The following LIMS1 variants were observed in gnomAD, a reference collection of about 807,000 sequenced individuals.
LIMS1 encodes LIM zinc finger domain containing 1.
A neutral mutation model predicts 44.1 loss-of-function variants in LIMS1; 18 were observed. The observed-to-expected ratio is 0.41, with a 90% CI of 0.28 to 0.61. The LOEUF is 0.61. Ranked by LOEUF, LIMS1 falls within the 20% of genes least tolerant of loss-of-function variation. LIMS1 has a pLI of 0.32. For synonymous variants in LIMS1, 93 were observed against 149.1 expected (o/e 0.62, Z 2.74); for missense variants, 201 against 422.0 (o/e 0.48, Z 4.59).
intron 1 of LIMS1, among the ~76,000 whole-genome samples, chr2:108,631,972 G>GTGTT (rs537157575): frequency 3.2e-4 from 49 of 152,144 alleles, no homozygotes; most frequent in Non-Finnish European, 5.7e-4. Flanking sequence ...AGGTACTTTC[G>GTGTT]TGTTTGTTTG....
chr2:108,603,778 A>G (rs1687135637), intron 1 of LIMS1, among the ~76,000 whole-genome samples: 1 of 151,606 alleles, frequency 6.6e-6, no homozygotes, highest in East Asian at 1.9e-4. Flanking sequence ...TAGGTCCTCT[A>G]TTTTTCTCAG....
intron 1 of LIMS1, among the ~76,000 whole-genome samples, chr2:108,581,511 A>G (rs1685884185): frequency 6.6e-6 from 1 of 152,184 alleles, no homozygotes; most frequent in Non-Finnish European, 1.5e-5. Flanking sequence ...AAACTCTTTA[A>G]AATTGTATTG....
At chr2:108,645,305 C>A (rs1352932747) in intron 1 of LIMS1, among the ~76,000 whole-genome samples, 5 of 152,170 alleles carry the variant, frequency 3.3e-5, no homozygotes, top group African/African-American at 9.7e-5. Context: ...TCGGCAGAAA[C>A]CCTACAAGCC....
At chr2:108,631,310 C>A (rs1227372970) in intron 1 of LIMS1, among the ~76,000 whole-genome samples, 1 of 152,164 alleles carries the variant, frequency 6.6e-6, no homozygotes, top group African/African-American at 2.4e-5. Flanking sequence ...AGCCCACTGG[C>A]CTGGGTCCAG....
intron 1 of LIMS1, among the ~76,000 whole-genome samples, chr2:108,578,199 G>T (rs548323243): frequency 6.6e-6 from 1 of 152,170 alleles, no homozygotes; most frequent in Non-Finnish European, 1.5e-5. Flanking sequence ...ATGAGCCACC[G>T]CGCCCAGCCT....
At chr2:108,628,803 G>A (rs1688731374) in intron 1 of LIMS1, among the ~76,000 whole-genome samples, 1 of 152,100 alleles carries the variant, frequency 6.6e-6, no homozygotes, top group Non-Finnish European at 1.5e-5. Context: ...TGACAGTAAT[G>A]AGTTTTATGA....
chr2:108,584,292 A>G (rs1030134265), intron 1 of LIMS1, among the ~76,000 whole-genome samples: 6 of 152,304 alleles, frequency 3.9e-5, no homozygotes, highest in African/African-American at 1.2e-4. Flanking sequence ...TGTTCCCACC[A>G]TGCTTAGCTC....
At chr2:108,605,590 G>A (rs1196790381) in intron 1 of LIMS1, among the ~76,000 whole-genome samples, 1 of 152,034 alleles carries the variant, frequency 6.6e-6, no homozygotes, top group Non-Finnish European at 1.5e-5. Context: ...TGTCTGCCCA[G>A]TACCTACTAC....
intron 1 of LIMS1, among the ~76,000 whole-genome samples, chr2:108,639,676 C>G (rs543266501): frequency 2.6e-4 from 39 of 152,308 alleles, no homozygotes; most frequent in African/African-American, 9.4e-4. Flanking sequence ...TGATCTTGAA[C>G]TCCTAACCTC....
chr2:108,581,275 C>G (rs921208023), intron 1 of LIMS1, among the ~76,000 whole-genome samples: 1 of 152,134 alleles, frequency 6.6e-6, no homozygotes, highest in African/African-American at 2.4e-5. Context: ...TAAAACTTAA[C>G]CCCCGCCAGT....
chr2:108,668,865 C>G (rs767110910), intron 2 of LIMS1, among the ~76,000 whole-genome samples: 13 of 152,168 alleles, frequency 8.5e-5, no homozygotes, highest in Non-Finnish European at 1.8e-4. Flanking sequence ...TTTGGCTGCA[C>G]ATTATAATGT....
At chr2:108,601,341 C>G (rs1687004629) in intron 1 of LIMS1, among the ~76,000 whole-genome samples, 1 of 152,132 alleles carries the variant, frequency 6.6e-6, no homozygotes, top group Non-Finnish European at 1.5e-5. Flanking sequence ...AGACACTTGT[C>G]CGTGCACAGC....
intron 1 of LIMS1, among the ~76,000 whole-genome samples, chr2:108,542,637 C>T (rs929110005): frequency 1.3e-5 from 2 of 152,176 alleles, no homozygotes; most frequent in African/African-American, 4.8e-5. Context: ...TCCCTCCTAC[C>T]CTTACGCTTA....
chr2:108,679,890 C>G (rs187455360), intron 8 of LIMS1, among the ~76,000 whole-genome samples: 2 of 151,702 alleles, frequency 1.3e-5, no homozygotes, highest in Non-Finnish European at 2.9e-5. Context: ...GACAACAGAG[C>G]GAGACCCTGT....
At chr2:108,631,169 C>G (rs1275852182) in intron 1 of LIMS1, among the ~76,000 whole-genome samples, 1 of 152,226 alleles carries the variant, frequency 6.6e-6, no homozygotes, top group Admixed American at 6.5e-5. Flanking sequence ...CTTGGACTCT[C>G]ATTTAACTGA....
intron 1 of LIMS1, among the ~76,000 whole-genome samples, chr2:108,536,963 G>A (rs916511275): frequency 6.6e-6 from 1 of 152,188 alleles, no homozygotes; most frequent in African/African-American, 2.4e-5. Flanking sequence ...AGGTTGTACA[G>A]AAATCGTATG....
At chr2:108,559,313 A>G (rs945272225) in intron 1 of LIMS1, among the ~76,000 whole-genome samples, 1 of 152,252 alleles carries the variant, frequency 6.6e-6, no homozygotes, top group South Asian at 2.1e-4. Context: ...ACATTAAAAC[A>G]CTTCAAAATA....
chr2:108,588,681 T>C (rs1686221895), intron 1 of LIMS1: 1 of 843,644 alleles, frequency 1.2e-6, no homozygotes, highest in Non-Finnish European at 1.4e-6. Context: ...TTCTCAGTTA[T>C]TTAAGAAGCA....
rs180777045 is a variant in LIMS1, at chr2:108,662,840, C to T, written c.192+3076C>T. On this transcript the variant is annotated intron_variant, in intron 2 of 9. Coordinates refer to ENST00000544547, the Ensembl canonical transcript of LIMS1. Reference sequence around the variant, plus strand: ...TGCTTTTGTCTCGTTATCAGAACAACTTCCTTCCCTGATTTCCACAGCCTC... The same window carrying T: ...TGCTTTTGTCTCGTTATCAGAACAATTTCCTTCCCTGATTTCCACAGCCTC... The T allele has an allele frequency of 5.4e-3, 4,165 of 765,056 alleles. 29 individuals are homozygous for T. The highest frequency in any genetic ancestry group is 0.018 in the Middle Eastern group (27 of 1,524). 47.4% of individuals were successfully genotyped at this position (765,056 alleles called of 1,614,324 possible).
Sources: allele counts gnomAD v4.1 joint callset (sites outside exome capture counted in the v4.1 genomes callset), GRCh38; gene constraint gnomAD v4.1.1; transcripts MANE v1.5; gene names NCBI Gene and HGNC (gene_info 2026-07-23, HGNC 2026-07-21).